The following ATP6V1H variants were observed in gnomAD, a reference collection of about 807,000 sequenced individuals.
The protein encoded by ATP6V1H is V-type proton ATPase subunit H.
In ATP6V1H, 39 loss-of-function variants were observed where a neutral mutation model predicts 71.7. That is an observed-to-expected ratio of 0.54 (90% CI 0.42 to 0.71). ATP6V1H has a LOEUF of 0.71. Ranked by LOEUF, ATP6V1H falls within the 30% of genes least tolerant of loss-of-function variation. The pLI is 0.00. For missense variants in ATP6V1H, 509 were observed against 594.9 expected (o/e 0.86, Z 1.50); for synonymous variants, 192 against 199.3 (o/e 0.96, Z 0.31).
At chr8:53,736,348 T>G (rs1251784409) in intron 13 of ATP6V1H, among the ~76,000 whole-genome samples, 1 of 152,200 alleles carries the variant, frequency 6.6e-6, no homozygotes, top group Non-Finnish European at 1.5e-5. Flanking sequence ...CCATGTTATG[T>G]TTGTGGAAAG....
intron 11 of ATP6V1H, among the ~76,000 whole-genome samples, chr8:53,759,199 C>A (rs980815501): frequency 6.6e-6 from 1 of 152,226 alleles, no homozygotes; most frequent in Non-Finnish European, 1.5e-5. Flanking sequence ...CTAGTCAAAT[C>A]TGCAAAATGT....
intron 7 of ATP6V1H, among the ~76,000 whole-genome samples, chr8:53,805,300 C>A (rs1431003431): frequency 1.3e-5 from 2 of 152,096 alleles, no homozygotes; most frequent in African/African-American, 2.4e-5. Flanking sequence ...TATCAGTGAA[C>A]CACAAAGATG....
intron 7 of ATP6V1H, among the ~76,000 whole-genome samples, chr8:53,807,982 T>C (rs980586083): frequency 3.3e-5 from 5 of 152,278 alleles, no homozygotes; most frequent in South Asian, 4.1e-4. Flanking sequence ...TGGACATGGA[T>C]TGCTCCACTA....
At position 53,803,902 on chromosome 8, in the gene ATP6V1H, G is replaced by A. The variant is rs138183576; in HGVS notation, c.580-2006C>T. Among the ~76,000 whole-genome samples the A allele has an allele frequency of 2.2e-3, 341 of 152,260 alleles. 3 individuals carry two copies. The highest frequency in any genetic ancestry group is 7.9e-3 in the African/African-American group (330 of 41,558). On this transcript the variant is annotated intron_variant, in intron 7 of 13. Coordinates refer to ENST00000359530, the MANE Select transcript of ATP6V1H (RefSeq NM_015941.4). ...CAAATGAATAAAAAGGCAACAGAGA[G>A]CACCCTCTTCTCTTCCATTTACCAT... is the stretch of plus-strand genomic sequence containing the variant.
chr8:53,816,484 C>T (rs1181856696), intron 5 of ATP6V1H, among the ~76,000 whole-genome samples: 1 of 152,108 alleles, frequency 6.6e-6, no homozygotes, highest in Non-Finnish European at 1.5e-5. Flanking sequence ...CTAGGGCTTC[C>T]AAACATAGCC....
At chr8:53,796,197 C>CTA (rs1287697426) in intron 8 of ATP6V1H, among the ~76,000 whole-genome samples, 2 of 152,068 alleles carry the variant, frequency 1.3e-5, no homozygotes, top group African/African-American at 4.8e-5. Context: ...ATAAGACCAC[C>CTA]GATAGCTTTA....
intron 9 of ATP6V1H, among the ~76,000 whole-genome samples, chr8:53,781,373 CT>C (rs1809122395): frequency 1.3e-5 from 2 of 152,138 alleles, no homozygotes; most frequent in Admixed American, 6.5e-5. Context: ...CCTTTGCCCA[CT>C]TTTTGATGGG....
chr8:53,790,867 C>G (rs530017119), intron 9 of ATP6V1H, among the ~76,000 whole-genome samples: 1 of 152,188 alleles, frequency 6.6e-6, no homozygotes, highest in Non-Finnish European at 1.5e-5. Flanking sequence ...GTCAAGGGGG[C>G]TCCGTATGTG....
rs1396383870 is a variant in ATP6V1H at position 53,801,842 on chromosome 8, T to G, written c.634A>C (p.Asn212His). ...AGCLQLMLRVNEYRFAWVEAD... is the reference protein window; with the variant it reads ...AGCLQLMLRVHEYRFAWVEAD... Reference sequence around the variant, plus strand: ...TCCACCCAAGCAAAGCGGTACTCATTGACCCGGAGCATCAGCTGCAAACAC... The same window carrying G: ...TCCACCCAAGCAAAGCGGTACTCATGGACCCGGAGCATCAGCTGCAAACAC... The change falls in exon 8 of 14, where the codon AAT becomes CAT. Residue 212 changes from asparagine to histidine, a missense_variant. By Grantham distance (68) the Asn-to-His change is moderately conservative. Coordinates refer to ENST00000359530, the MANE Select transcript of ATP6V1H (RefSeq NM_015941.4). 3 of 1,614,046 alleles carry G rather than the reference T, an allele frequency of 1.9e-6. No homozygotes were observed. The Admixed American group carries it at 5.0e-5, about 27-fold the overall frequency.
At chr8:53,738,536 G>A (rs189426028) in intron 13 of ATP6V1H, among the ~76,000 whole-genome samples, 2 of 152,206 alleles carry the variant, frequency 1.3e-5, no homozygotes, top group Non-Finnish European at 2.9e-5. Flanking sequence ...AAAGCCAATC[G>A]TAAGCAAACA....
At chr8:53,725,006 C>T (rs1806762801) in intron 13 of ATP6V1H, among the ~76,000 whole-genome samples, 1 of 152,050 alleles carries the variant, frequency 6.6e-6, no homozygotes, top group Admixed American at 6.6e-5. Flanking sequence ...GACAATAGAA[C>T]TAATATTTTT....
rs191378158 is a variant in ATP6V1H at position 53,817,349 on chromosome 8, A to G, written c.420+68T>C. 5.1e-4 allele frequency: 552 copies of G among 1,078,282 alleles called. 4 individuals are homozygous for G. In the African/African-American group the frequency reaches 7.9e-3, roughly 16 times the overall value. The allele number at this position is 1,078,282 out of a possible 1,614,324, so 66.8% of individuals were successfully genotyped here. On this transcript the variant is annotated intron_variant, in intron 5 of 13. Transcript: ENST00000359530. Reference sequence around the variant, plus strand: ...GCCCTAAAGTTCAAGACCAGCCTGGACAACATAGTGAGACCCTCTCTCTTT... The same window carrying G: ...GCCCTAAAGTTCAAGACCAGCCTGGGCAACATAGTGAGACCCTCTCTCTTT...
At chr8:53,828,846 T>G (rs1810905168) in intron 4 of ATP6V1H, among the ~76,000 whole-genome samples, 1 of 152,128 alleles carries the variant, frequency 6.6e-6, no homozygotes, top group African/African-American at 2.4e-5. Flanking sequence ...GGAAGGCCGA[T>G]CTCATAAGAA....
chr8:53,735,480 T>C (rs1040676926), intron 13 of ATP6V1H, among the ~76,000 whole-genome samples: 3 of 152,160 alleles, frequency 2.0e-5, no homozygotes, highest in African/African-American at 7.2e-5. Context: ...TGAAGAAATA[T>C]TGCCAGGAAA....
At position 53,843,205 on chromosome 8, in the gene ATP6V1H, G is replaced by C. The variant is rs182233014; in HGVS notation, c.-207C>G. ...ACTCCGGGAGCCGAAAGTGAAGCGG[G>C]TCCCGCACCAAGGAGACGTTGAGGG... On this transcript the variant is annotated 5_prime_UTR_variant, in exon 1 of 14. Transcript: ENST00000359530. 591 of 152,570 alleles carry C rather than the reference G, an allele frequency of 3.9e-3. 7 individuals are homozygous for C. Among genetic ancestry groups the C allele is most frequent in the South Asian group, 0.025 (119 of 4,834 alleles). 9.5% of individuals were successfully genotyped at this position (152,570 alleles called of 1,614,324 possible).
At chr8:53,776,305 G>A (rs921352817) in intron 9 of ATP6V1H, among the ~76,000 whole-genome samples, 5 of 152,234 alleles carry the variant, frequency 3.3e-5, no homozygotes, top group African/African-American at 1.2e-4. Context: ...GCAAGCTGAG[G>A]GAGTGGGCTC....
At chr8:53,821,385 AAAAG>A (rs1810649897) in intron 4 of ATP6V1H, among the ~76,000 whole-genome samples, 2 of 151,804 alleles carry the variant, frequency 1.3e-5, no homozygotes, top group Non-Finnish European at 2.9e-5. Context: ...AAAAAAAAAA[AAAAG>A]AGAGAGAGAG....
intron 12 of ATP6V1H, among the ~76,000 whole-genome samples, chr8:53,755,914 C>G (rs1247659731): frequency 7.8e-6 from 1 of 128,226 alleles, no homozygotes; most frequent in Non-Finnish European, 1.6e-5. Flanking sequence ...CCCGCCACTA[C>G]GCCCGGCTAA....
rs1388285395 is a variant in ATP6V1H at position 53,795,715 on chromosome 8, C to A, written c.802G>T (p.Val268Phe). 1.2e-6 allele frequency: 2 copies of A among 1,613,790 alleles called. No homozygotes were observed. Among genetic ancestry groups the A allele is most frequent in the East Asian group, 2.2e-5 (1 of 44,892 alleles). Reference sequence around the variant, plus strand: ...GACTCCTGAAGGATATCAGACAGAACTGGAATGATATTATAGCGCCGCAGG... The same window carrying A: ...GACTCCTGAAGGATATCAGACAGAAATGGAATGATATTATAGCGCCGCAGG... ...EHLRRYNIIP[V>F]LSDILQESVK... Residue 268 changes from valine to phenylalanine, a missense_variant, in exon 9 of 14, where the codon GTT (valine) becomes TTT (phenylalanine). Transcript: ENST00000359530.
Sources: gnomAD v4.1 joint callset for allele counts (sites outside exome capture counted in the v4.1 genomes callset) on GRCh38, gnomAD v4.1.1 for gene constraint, MANE v1.5 for transcripts, NCBI Gene and HGNC (gene_info 2026-07-23, HGNC 2026-07-21) for gene names.